RASSF5: variants seen among roughly 807,000 people sequenced by gnomAD.
The protein encoded by RASSF5 is Ras association domain family member 5.
RASSF5 carries 25 observed loss-of-function variants against 40.5 expected under a neutral mutation model. The ratio of observed to expected loss-of-function variants is 0.62; its 90% CI spans 0.45 to 0.86. The LOEUF (loss-of-function observed/expected upper bound fraction) is 0.86, where lower values mean the gene tolerates loss of function less well. Ranked by LOEUF, RASSF5 falls within the 40% of genes least tolerant of loss-of-function variation. The probability of loss-of-function intolerance (pLI) is 0.00; values close to 1 mark genes in which losing one functional copy is unlikely to be tolerated. For missense variants in RASSF5, 521 were observed against 572.8 expected (o/e 0.91, Z 0.92); for synonymous variants, 246 against 252.4 (o/e 0.97, Z 0.24).
At position 206,517,543 on chromosome 1, in the gene RASSF5, G is replaced by A. The variant is rs549349820; in HGVS notation, c.457+9484G>A. Among the ~76,000 whole-genome samples the A allele has an allele frequency of 5.3e-5, 8 of 152,318 alleles. No individual in the cohort carries two copies. The Middle Eastern group carries it at 0.014, about 259-fold the overall frequency. On this transcript the variant is annotated intron_variant, in intron 1 of 5. Transcript: ENST00000579436. ...GTCCCCGCTGGTGGTTGGCAGGTGA[G>A]TCCTGTCATCTCTGGGCAGCCTGGG...
Position 206,507,570 on chromosome 1 carries a change from C to G in RASSF5, c.-33C>G, listed in dbSNP as rs1359078921. The G allele has an allele frequency of 6.9e-7, 1 of 1,453,198 alleles. No homozygotes were observed. Among genetic ancestry groups the G allele is most frequent in the South Asian group, 1.3e-5 (1 of 75,618 alleles). 90.0% of individuals were successfully genotyped at this position (1,453,198 alleles called of 1,614,324 possible). On this transcript the variant is annotated 5_prime_UTR_variant, in exon 1 of 6. Transcript: ENST00000579436. Reference sequence around the variant, plus strand: ...TCGGGAGTAGCGCAGTCGCCAAAGCCGCCGCTGCCAAAGCTGCCGCCACTA... The same window carrying G: ...TCGGGAGTAGCGCAGTCGCCAAAGCGGCCGCTGCCAAAGCTGCCGCCACTA...
In RASSF5 at chr1:206,538,312, G is replaced by A. The variant is rs372597283; in HGVS notation, c.579+19G>A. On this transcript the variant is annotated intron_variant, in intron 2 of 5. Transcript: ENST00000579436. ...CAGCCAGGTAGGTGCCAAAGCTCTC[G>A]TACCAAGCTGGGAACAGCCTCTGCA... 2.9e-5 allele frequency: 47 copies of A among 1,612,304 alleles called. No individual in the cohort carries two copies. The highest frequency in any genetic ancestry group is 6.7e-5 in the Admixed American group (4 of 59,980).
intron 1 of RASSF5, among the ~76,000 whole-genome samples, chr1:206,508,599 T>C (rs1407304036): frequency 6.6e-6 from 1 of 152,132 alleles, no homozygotes; most frequent in Admixed American, 6.5e-5. Context: ...TGTTAGATTT[T>C]GGATAAAGGC....
chr1:206,581,764 A>G (rs1419333055), intron 2 of RASSF5, among the ~76,000 whole-genome samples: 1 of 152,140 alleles, frequency 6.6e-6, no homozygotes, highest in Non-Finnish European at 1.5e-5. Flanking sequence ...AGAGCCTGAC[A>G]TTGCATCGGT....
In RASSF5 at chr1:206,589,120, A is replaced by T. The variant is rs1669256287; in HGVS notation, c.*2142A>T. 6.5e-6 allele frequency: 1 copy of T among 152,720 alleles called. No homozygotes were observed. Among genetic ancestry groups the T allele is most frequent in the Admixed American group, 6.5e-5 (1 of 15,280 alleles). 9.5% of individuals were successfully genotyped at this position (152,720 alleles called of 1,614,324 possible). A position where few individuals can be genotyped will look rare whatever the true frequency, so the allele number is the denominator to read the frequency against. ...CTCTGAAAAAAGTATAGTATCGAGT[A>T]CCCGTTCCCTCCCAGAGGTGGGAGT... is the stretch of plus-strand genomic sequence containing the variant. On this transcript the variant is annotated 3_prime_UTR_variant, in exon 6 of 6. Coordinates refer to ENST00000579436, the MANE Select transcript of RASSF5 (RefSeq NM_182663.4).
At chr1:206,570,078 CTTTT>C (rs375900760) in intron 2 of RASSF5, among the ~76,000 whole-genome samples, 11 of 119,350 alleles carry the variant, frequency 9.2e-5, no homozygotes, top group South Asian at 6.0e-4. Flanking sequence ...TAAAATTTAC[CTTTT>C]TTTTTTTTTT....
intron 2 of RASSF5, among the ~76,000 whole-genome samples, chr1:206,576,136 CAT>C (rs1292713008): frequency 6.6e-6 from 1 of 152,228 alleles, no homozygotes; most frequent in Non-Finnish European, 1.5e-5. Context: ...ATGGGATTAA[CAT>C]GTGAAACAAT....
At position 206,507,866 on chromosome 1, in the gene RASSF5, G is replaced by A. The variant is rs1037134136; in HGVS notation, c.264G>A (p.Gln88=). The A allele has an allele frequency of 3.1e-5, 46 of 1,489,438 alleles. No individual in the cohort carries two copies. Among genetic ancestry groups the A allele is most frequent in the Non-Finnish European group, 3.7e-5 (42 of 1,126,486 alleles). The allele number at this position is 1,489,438 out of a possible 1,614,324, so 92.3% of individuals were successfully genotyped here. Residue 88 remains glutamine (Q), a synonymous_variant, in exon 1 of 6, where the codon CAG becomes CAA. Transcript: ENST00000579436. ...RPARPLRPGL[Q]QRLRRRPGAP... is the part of the protein sequence containing the mutation. ...CTCGCCCGCTCCGGCCTGGTCTGCA[G>A]CAGAGACTGCGGCGGCGGCCTGGAG...
At chr1:206,529,650 C>T in intron 1 of RASSF5, 1 of 761,340 alleles carries the variant, frequency 1.3e-6, no homozygotes, top group South Asian at 1.3e-5. Flanking sequence ...GTCTGTGGCT[C>T]ACATCGCCAA....
chr1:206,542,053 A>T, intron 2 of RASSF5: 1 of 152,226 alleles, frequency 6.6e-6, no homozygotes, highest in East Asian at 1.9e-4. Context: ...CACAGATTGC[A>T]AGAGAGAAAC....
rs958937969 is a variant in RASSF5 at position 206,579,434 on chromosome 1, T to C, written c.580-3835T>C. Among the ~76,000 whole-genome samples, 3 of 152,230 alleles carry C rather than the reference T, an allele frequency of 2.0e-5. No homozygotes were observed. Among genetic ancestry groups the C allele is most frequent in the Admixed American group, 6.5e-5 (1 of 15,278 alleles). On this transcript the variant is annotated intron_variant, in intron 2 of 5. Coordinates refer to ENST00000579436, the MANE Select transcript of RASSF5 (RefSeq NM_182663.4). This position sits in a 1 kb window ranked among gnomAD's most constrained non-coding sequence, Gnocchi z 4.2. ...GATCCTTAAGAATCTGGCAGGTGAA[T>C]AGGAATCAGAGTCTTTGTCTTATCC...
chr1:206,515,209 G>A (rs1243459817), intron 1 of RASSF5, among the ~76,000 whole-genome samples: 11 of 152,196 alleles, frequency 7.2e-5, no homozygotes, highest in Admixed American at 4.6e-4. Context: ...AAAGGGAGGT[G>A]AGCCCTATAC....
Position 206,586,583 on chromosome 1 carries a change from T to C in RASSF5, c.1105-243T>C, listed in dbSNP as rs1669120145. 9.8e-6 allele frequency: 4 copies of C among 407,788 alleles called. No individual in the cohort carries two copies. In the Admixed American group the frequency reaches 1.7e-4, roughly 17 times the overall value. 25.3% of individuals were successfully genotyped at this position (407,788 alleles called of 1,614,324 possible). ...AACTTAAGATTATTGAGTTTCAAAA[T>C]AAAAACATGGTTCATAGACTGGCAA... is the stretch of plus-strand genomic sequence containing the variant. On this transcript the variant is annotated intron_variant, in intron 5 of 5. Coordinates refer to ENST00000579436, the MANE Select transcript of RASSF5 (RefSeq NM_182663.4).
chr1:206,551,655 G>A (rs1275704320), intron 2 of RASSF5, among the ~76,000 whole-genome samples: 2 of 152,244 alleles, frequency 1.3e-5, no homozygotes, highest in African/African-American at 4.8e-5. Flanking sequence ...CTGGCCACAA[G>A]GAGGGACAGA....
In RASSF5 at chr1:206,507,721, G is replaced by GGT. The variant is rs782399956; in HGVS notation, c.120_121dup (p.Ser41CysfsTer126). ...GAGCTACCGCCGCCGCCCCCCGACCGGTCCTCGCGCCTCTGTGTCCCGGCG... is the reference window on the plus strand; with the variant it reads ...GAGCTACCGCCGCCGCCCCCCGACCGGTGTCCTCGCGCCTCTGTGTCCCGGCG... On this transcript the variant is annotated frameshift_variant, in exon 1 of 6. Coordinates refer to ENST00000579436, the MANE Select transcript of RASSF5 (RefSeq NM_182663.4). LOFTEE classifies it high-confidence loss of function. 5.4e-6 allele frequency: 8 copies of GGT among 1,483,518 alleles called. No individual in the cohort carries two copies. The highest frequency in any genetic ancestry group is 7.1e-6 in the Non-Finnish European group (8 of 1,123,934). The allele number at this position is 1,483,518 out of a possible 1,614,324, so 91.9% of individuals were successfully genotyped here.
chr1:206,519,393 C>T (rs1298968327), intron 1 of RASSF5, among the ~76,000 whole-genome samples: 2 of 152,242 alleles, frequency 1.3e-5, no homozygotes, highest in African/African-American at 4.8e-5. Flanking sequence ...CTCTGCTAAA[C>T]ACTCAGAGCA....
chr1:206,584,320 C>T lies in RASSF5; in HGVS notation c.691-67C>T, dbSNP rs1553406992. On this transcript the variant is annotated intron_variant, in intron 3 of 5. Transcript: ENST00000579436. The surrounding 1 kb of genome is among the most constrained non-coding windows in gnomAD (Gnocchi z 4.9). Reference sequence around the variant, plus strand: ...GGTGGGTGCTGCTGGGGCAATGGCCCCGAGTGGCAGATATGATCATGCAAG... The same window carrying T: ...GGTGGGTGCTGCTGGGGCAATGGCCTCGAGTGGCAGATATGATCATGCAAG... The T allele has an allele frequency of 6.7e-7, 1 of 1,494,726 alleles. No individual in the cohort carries two copies. 92.6% of individuals were successfully genotyped at this position (1,494,726 alleles called of 1,614,324 possible). A position where few individuals can be genotyped will look rare whatever the true frequency, so the allele number is the denominator to read the frequency against.
intron 1 of RASSF5, among the ~76,000 whole-genome samples, chr1:206,516,808 G>A (rs542321309): frequency 6.6e-6 from 1 of 152,298 alleles, no homozygotes; most frequent in South Asian, 2.1e-4. Context: ...CTTCTTTGAG[G>A]GCGGGGATGG....
chr1:206,547,958 A>G (rs1486295398), intron 2 of RASSF5, among the ~76,000 whole-genome samples: 2 of 152,042 alleles, frequency 1.3e-5, no homozygotes, highest in African/African-American at 4.8e-5. Flanking sequence ...TGTGCTGATG[A>G]TGAGTTTTTT....
Sources: gnomAD v4.1 joint callset for allele counts (sites outside exome capture counted in the v4.1 genomes callset) on GRCh38, gnomAD v4.1.1 for gene constraint, Gnocchi (gnomAD v3.1) non-coding constraint, MANE v1.5 for transcripts, NCBI Gene and HGNC (gene_info 2026-07-23, HGNC 2026-07-21) for gene names.